Variants in PLCE1 observed in about 807,000 individuals in gnomAD.
The protein encoded by PLCE1 is 1-phosphatidylinositol 4,5-bisphosphate phosphodiesterase epsilon-1.
A neutral mutation model predicts 242.8 loss-of-function variants in PLCE1; 119 were observed. The observed-to-expected ratio is 0.49, with a 90% confidence interval of 0.42 to 0.57. The LOEUF (loss-of-function observed/expected upper bound fraction) is 0.57, where lower values mean the gene tolerates loss of function less well. Among genes scored for constraint, PLCE1 ranks in the 20% least tolerant of loss-of-function variants. The pLI is 0.00. For synonymous variants in PLCE1, 945 were observed against 1,017.4 expected (o/e 0.93, Z 1.35); for missense variants, 2,441 against 2,788.8 (o/e 0.88, Z 2.81).
intron 24 of PLCE1, among the ~76,000 whole-genome samples, chr10:94,303,611 TCTC>T (rs1204990281): frequency 2.0e-5 from 3 of 152,230 alleles, no homozygotes; most frequent in African/African-American, 7.2e-5. Flanking sequence ...TTCTGGCTAT[TCTC>T]CTATTCTTTC....
chr10:94,214,832 C>G (rs977193140), intron 4 of PLCE1, among the ~76,000 whole-genome samples: 1 of 152,202 alleles, frequency 6.6e-6, no homozygotes, highest in Non-Finnish European at 1.5e-5. Context: ...CTCCAAACAT[C>G]GTGACCCTGC....
Position 94,235,971 on chromosome 10 carries a change from C to A in PLCE1, c.2271C>A (p.Gly757=). Residue 757 remains glycine, a synonymous_variant, in exon 7 of 33, where the codon GGC becomes GGA. Transcript: ENST00000371380. The part of the protein sequence containing the change: ...DNFLQRVGQN[G]LKNSEKESTV... ...TCTTACAACGAGTGGGACAAAATGGCTTAAAGAATTCGGAGAAGGAGTCCA... is the reference window on the plus strand; with the variant it reads ...TCTTACAACGAGTGGGACAAAATGGATTAAAGAATTCGGAGAAGGAGTCCA... 1 of 1,614,016 alleles carries A rather than the reference C, an allele frequency of 6.2e-7. No individual in the cohort carries two copies. The highest frequency in any genetic ancestry group is 1.3e-5 in the African/African-American group (1 of 75,032).
chr10:94,002,635 G>T (rs889597214), intron 1 of PLCE1, among the ~76,000 whole-genome samples: 3 of 151,810 alleles, frequency 2.0e-5, no homozygotes, highest in African/African-American at 7.3e-5. Flanking sequence ...ATTAATTTTT[G>T]ATTATATGCT....
intron 7 of PLCE1, among the ~76,000 whole-genome samples, chr10:94,242,359 A>G (rs1004163408): frequency 6.6e-6 from 1 of 152,030 alleles, no homozygotes; most frequent in African/African-American, 2.4e-5. Context: ...GCTGGAATGC[A>G]GTGGCACAAT....
intron 22 of PLCE1, among the ~76,000 whole-genome samples, chr10:94,291,605 C>T (rs552724806): frequency 2.6e-5 from 4 of 152,124 alleles, no homozygotes; most frequent in African/African-American, 9.6e-5. Context: ...ACAGTCCTAA[C>T]TTAAAGGATT....
In PLCE1 at chr10:94,265,776, A is replaced by G; in HGVS notation, c.4116-17A>G. 1 of 1,614,072 alleles carries G rather than the reference A, an allele frequency of 6.2e-7. No individual in the cohort carries two copies. Among genetic ancestry groups the G allele is most frequent in the Non-Finnish European group, 8.5e-7 (1 of 1,179,938 alleles). On this transcript the variant is annotated splice_polypyrimidine_tract_variant and intron_variant, in intron 15 of 32. Coordinates refer to ENST00000371380, the MANE Select transcript of PLCE1 (RefSeq NM_016341.4). ...GCATTTTTCCCATGCAGTCTTAAGAAAATTTGTTTCACCTAGGTTTCTGAT... is the reference window on the plus strand; with the variant it reads ...GCATTTTTCCCATGCAGTCTTAAGAGAATTTGTTTCACCTAGGTTTCTGAT...
intron 22 of PLCE1, among the ~76,000 whole-genome samples, chr10:94,292,122 G>T (rs2052663618): frequency 6.6e-6 from 1 of 152,122 alleles, no homozygotes. Context: ...CAAATATTAA[G>T]ATCAAGGTAT....
chr10:94,141,072 C>A (rs1448078732), intron 3 of PLCE1, among the ~76,000 whole-genome samples: 1 of 152,308 alleles, frequency 6.6e-6, no homozygotes, highest in African/African-American at 2.4e-5. Context: ...CCCTTACCAC[C>A]TAAAGAGAAT....
At chr10:94,015,284 C>T (rs2061256806) in intron 1 of PLCE1, among the ~76,000 whole-genome samples, 1 of 152,056 alleles carries the variant, frequency 6.6e-6, no homozygotes, top group Non-Finnish European at 1.5e-5. Flanking sequence ...CTCAAAGCTG[C>T]TTTATCTTAG....
chr10:94,007,043 TG>T (rs1475858006), intron 1 of PLCE1, among the ~76,000 whole-genome samples: 1 of 152,156 alleles, frequency 6.6e-6, no homozygotes, highest in Non-Finnish European at 1.5e-5. Flanking sequence ...ATTGGATATT[TG>T]GGGGTGGGTG....
chr10:94,319,215 T>C (rs987571733), intron 29 of PLCE1, among the ~76,000 whole-genome samples: 1 of 152,174 alleles, frequency 6.6e-6, no homozygotes, highest in Non-Finnish European at 1.5e-5. Flanking sequence ...TTTATATGCC[T>C]TTGTTAGGAA....
At position 94,331,906 on chromosome 10, in the gene PLCE1, C is replaced by G. The variant is rs563753515; in HGVS notation, c.*3963C>G. On this transcript the variant is annotated 3_prime_UTR_variant, in exon 33 of 33. Coordinates refer to ENST00000371380, the MANE Select transcript of PLCE1 (RefSeq NM_016341.4). ...TTTTTTTTTGAGGCAAAGTCTCACT[C>G]TGTTGCCCAGCCTGGAGTGCAGTGG... is the stretch of plus-strand genomic sequence containing the variant. 11 of 141,488 alleles carry G rather than the reference C, an allele frequency of 7.8e-5. No individual in the cohort carries two copies. In the East Asian group the frequency reaches 1.9e-3, roughly 24 times the overall value. The allele number at this position is 141,488 out of a possible 1,614,324, so 8.8% of individuals were successfully genotyped here. A position where few individuals can be genotyped will look rare whatever the true frequency, so the allele number is the denominator to read the frequency against.
chr10:94,257,896 T>C (rs563266054), intron 11 of PLCE1, among the ~76,000 whole-genome samples: 1 of 152,336 alleles, frequency 6.6e-6, no homozygotes, highest in East Asian at 1.9e-4. Flanking sequence ...ATTGTGCACA[T>C]GTACCCTAGA....
chr10:94,227,164 A>G, intron 4 of PLCE1, 142 bp from the exon 5 acceptor site: 2 of 760,014 alleles, frequency 2.6e-6, no homozygotes, highest in South Asian at 3.0e-5. Flanking sequence ...GGCGTGAACC[A>G]CCACGCCCAG....
At chr10:94,259,274 G>C in intron 13 of PLCE1, 124 bp downstream of exon 13, 1 of 975,910 alleles carries the variant, frequency 1.0e-6, no homozygotes, top group South Asian at 1.3e-5. Context: ...TGTAGGGAAA[G>C]ACTTAAGAGA....
chr10:94,036,771 T>C (rs1469884912), intron 2 of PLCE1, among the ~76,000 whole-genome samples: 3 of 152,196 alleles, frequency 2.0e-5, no homozygotes, highest in Non-Finnish European at 2.9e-5. Flanking sequence ...TATAGTTATC[T>C]TGAATGTGAA....
intron 1 of PLCE1, among the ~76,000 whole-genome samples, chr10:94,028,447 A>G (rs2061494493): frequency 6.6e-6 from 1 of 152,130 alleles, no homozygotes; most frequent in Non-Finnish European, 1.5e-5. Context: ...GGAAGCTCCA[A>G]TGACTTTCAT....
intron 2 of PLCE1, among the ~76,000 whole-genome samples, chr10:94,093,937 T>TA (rs1260566243): frequency 7.9e-6 from 1 of 126,562 alleles, no homozygotes; most frequent in African/African-American, 3.3e-5. Context: ...GGTATTTCTT[T>TA]TTTTTTTTTT....
chr10:94,001,149 A>G (rs1011438757), intron 1 of PLCE1, among the ~76,000 whole-genome samples: 1 of 152,348 alleles, frequency 6.6e-6, no homozygotes, highest in Admixed American at 6.5e-5. Context: ...AAGGAGGAAG[A>G]TATCTGGGGA....
Sources: allele counts gnomAD v4.1 joint callset (sites outside exome capture counted in the v4.1 genomes callset), GRCh38; gene constraint gnomAD v4.1.1; transcripts MANE v1.5; gene names NCBI Gene and HGNC (gene_info 2026-07-23, HGNC 2026-07-21).